Variants in JAKMIP1 observed in about 807,000 individuals in gnomAD.
JAKMIP1 encodes janus kinase and microtubule interacting protein 1, also known as janus kinase and microtubule-interacting protein 1.
A neutral mutation model predicts 113.0 loss-of-function variants in JAKMIP1; 33 were observed. The ratio of observed to expected loss-of-function variants is 0.29; its 90% CI spans 0.22 to 0.39. JAKMIP1 has a LOEUF of 0.39. JAKMIP1 is among the 10% of genes least tolerant of loss of function. The pLI is 1.00. For synonymous variants in JAKMIP1, 480 were observed against 459.9 expected (o/e 1.04, Z -0.56); for missense variants, 813 against 1,080.5 (o/e 0.75, Z 3.47).
intron 8 of JAKMIP1, 152 bp downstream of exon 8, chr4:6,078,787 C>T (rs1578171566): frequency 7.5e-6 from 5 of 667,030 alleles, no homozygotes; most frequent in Non-Finnish European, 1.3e-5. Context: ...CTTTGAGAGA[C>T]GGTGATGACA....
intron 1 of JAKMIP1, among the ~76,000 whole-genome samples, chr4:6,148,876 G>A (rs1332604231): frequency 6.6e-6 from 1 of 152,236 alleles, no homozygotes; most frequent in African/African-American, 2.4e-5. Flanking sequence ...CCACGCACAG[G>A]CATGTAGAAA....
intron 1 of JAKMIP1, among the ~76,000 whole-genome samples, chr4:6,124,889 A>C (rs1717191212): frequency 2.0e-5 from 3 of 152,230 alleles, no homozygotes; most frequent in African/African-American, 7.2e-5. Context: ...ACTTTAGGCC[A>C]CCATCGGGTG....
At chr4:6,164,993 G>A (rs1253429687) in intron 1 of JAKMIP1, among the ~76,000 whole-genome samples, 1 of 152,210 alleles carries the variant, frequency 6.6e-6, no homozygotes, top group Non-Finnish European at 1.5e-5. Flanking sequence ...AGCTGATAAG[G>A]CAGTGGCAAG....
chr4:6,189,432 A>G (rs1205241986), intron 1 of JAKMIP1, among the ~76,000 whole-genome samples: 1 of 152,168 alleles, frequency 6.6e-6, no homozygotes, highest in Non-Finnish European at 1.5e-5. Context: ...CAGAGAACAG[A>G]GTGAATTTTT....
chr4:6,084,988 A>AG, intron 4 of JAKMIP1, 23 bp from the exon 5 acceptor site: 2 of 1,549,836 alleles, frequency 1.3e-6, no homozygotes, highest in African/African-American at 2.8e-5. Flanking sequence ...AAAAAAAAAA[A>AG]AAAAAAGTCA....
chr4:6,095,369 GAAGA>G (rs981533482), intron 3 of JAKMIP1, among the ~76,000 whole-genome samples: 4 of 151,950 alleles, frequency 2.6e-5, no homozygotes, highest in African/African-American at 7.2e-5. Flanking sequence ...AGGAAAGAAA[GAAGA>G]AAGGAAGGAA....
At chr4:6,171,902 T>C (rs1724776857) in intron 1 of JAKMIP1, among the ~76,000 whole-genome samples, 2 of 152,240 alleles carry the variant, frequency 1.3e-5, no homozygotes, top group South Asian at 4.1e-4. Flanking sequence ...CCTGGTGATG[T>C]GTATATTCTT....
In JAKMIP1 at chr4:6,065,085, C is replaced by T. The variant is rs1183261460; in HGVS notation, c.1303-77G>A. ...CTACCAGTCCCTGGTCGTGGGCATGCCAGTGCAGGGGGGTGATGATTGACA... is the reference window on the plus strand; with the variant it reads ...CTACCAGTCCCTGGTCGTGGGCATGTCAGTGCAGGGGGGTGATGATTGACA... On this transcript the variant is annotated intron_variant, in intron 8 of 20. Transcript: ENST00000409021. The surrounding 1 kb of genome is among the most constrained non-coding windows in gnomAD (Gnocchi z 5.1). 1.0e-5 allele frequency: 16 copies of T among 1,566,602 alleles called. No individual in the cohort carries two copies. Among genetic ancestry groups the T allele is most frequent in the East Asian group, 2.2e-5 (1 of 44,586 alleles).
In JAKMIP1 at chr4:6,187,730, G is replaced by T. The variant is rs1405397150; in HGVS notation, c.-148+12523C>A. On this transcript the variant is annotated intron_variant, in intron 1 of 20. Transcript: ENST00000409021. This position sits in a 1 kb window ranked among gnomAD's most constrained non-coding sequence, Gnocchi z 4.2. Reference sequence around the variant, plus strand: ...TTGTTTATAAGCTATCCAGTCTAAGGTGTTTTGTTATAGCAGCCTGAAAGG... The same window carrying T: ...TTGTTTATAAGCTATCCAGTCTAAGTTGTTTTGTTATAGCAGCCTGAAAGG... Among the ~76,000 whole-genome samples the T allele has an allele frequency of 2.0e-5, 3 of 152,234 alleles. No homozygotes were observed. Among genetic ancestry groups the T allele is most frequent in the African/African-American group, 7.2e-5 (3 of 41,466 alleles).
chr4:6,100,249 C>T (rs1047386035), intron 3 of JAKMIP1, among the ~76,000 whole-genome samples: 1 of 152,162 alleles, frequency 6.6e-6, no homozygotes, highest in Non-Finnish European at 1.5e-5. Context: ...ATCTCCATTC[C>T]AACTAGTCCC....
chr4:6,026,672 C>T (rs1378956556), intron 20 of JAKMIP1, among the ~76,000 whole-genome samples: 1 of 151,762 alleles, frequency 6.6e-6, no homozygotes, highest in African/African-American at 2.4e-5. Context: ...GAGACGGGGG[C>T]GTGATGTGTG....
rs1310146944 is a variant in JAKMIP1 at position 6,155,924 on chromosome 4, A to T, written c.-147-42927T>A. Among the ~76,000 whole-genome samples, 1 of 152,144 alleles carries T rather than the reference A, an allele frequency of 6.6e-6. No homozygotes were observed. Among genetic ancestry groups the T allele is most frequent in the African/African-American group, 2.4e-5 (1 of 41,420 alleles). ...TGCACATACATTTTTCTGTGCGGTA[A>T]TGTGTGAGAACCGCTGCTGGGGATG... On this transcript the variant is annotated intron_variant, in intron 1 of 20. Coordinates refer to ENST00000409021, the MANE Select transcript of JAKMIP1 (RefSeq NM_001099433.2). This position sits in a 1 kb window ranked among gnomAD's most constrained non-coding sequence, Gnocchi z 6.1.
At position 6,081,980 on chromosome 4, in the gene JAKMIP1, G is replaced by A. The variant is rs1013388375; in HGVS notation, c.955-225C>T. Among the ~76,000 whole-genome samples, 1 of 152,192 alleles carries A rather than the reference G, an allele frequency of 6.6e-6. No individual in the cohort carries two copies. The highest frequency in any genetic ancestry group is 1.5e-5 in the Non-Finnish European group (1 of 68,032). ...GCAGCTCCTGTCTCCTAGGCACATGGTGAGAATTGAATGCATAGTGGTAGT... is the reference window on the plus strand; with the variant it reads ...GCAGCTCCTGTCTCCTAGGCACATGATGAGAATTGAATGCATAGTGGTAGT... On this transcript the variant is annotated intron_variant, in intron 5 of 20. Coordinates refer to ENST00000409021, the MANE Select transcript of JAKMIP1 (RefSeq NM_001099433.2). The surrounding 1 kb of genome is among the most constrained non-coding windows in gnomAD (Gnocchi z 4.6).
Position 6,116,716 on chromosome 4 carries a change from C to G in JAKMIP1, c.-147-3719G>C, listed in dbSNP as rs1237274094. Among the ~76,000 whole-genome samples, 2 of 152,274 alleles carry G rather than the reference C, an allele frequency of 1.3e-5. No individual in the cohort carries two copies. Among genetic ancestry groups the G allele is most frequent in the African/African-American group, 2.4e-5 (1 of 41,546 alleles). On this transcript the variant is annotated intron_variant, in intron 1 of 20. Coordinates refer to ENST00000409021, the MANE Select transcript of JAKMIP1 (RefSeq NM_001099433.2). The surrounding 1 kb of genome is among the most constrained non-coding windows in gnomAD (Gnocchi z 5.1). ...AACTGCCTACAGGAAATTAATATAC[C>G]GGGCATGCAGGAGGACCAGACAAGG...
Position 6,054,098 on chromosome 4 carries a change from G to A in JAKMIP1, c.1758C>T (p.Asp586=), listed in dbSNP as rs61747882. The A allele has an allele frequency of 4.3e-3, 7,001 of 1,613,960 alleles. 202 individuals carry two copies. In the African/African-American group the frequency reaches 0.072, roughly 17 times the overall value. ...EENQLKNEMQ[D]AKDQNELLEF... ...CTAACAGCTCGTTCTGATCCTTGGC[G>A]TCTTGCATTTCATTCTTCAGCTGGT... Residue 586 remains aspartate, a synonymous_variant, in exon 13 of 21, where the codon GAC becomes GAT. Coordinates refer to ENST00000409021, the MANE Select transcript of JAKMIP1 (RefSeq NM_001099433.2).
At chr4:6,120,331 G>A (rs11732318) in intron 1 of JAKMIP1, among the ~76,000 whole-genome samples, 38,747 of 152,030 alleles carry the variant, frequency 0.25, 5,755 homozygotes, top group East Asian at 0.59. Flanking sequence ...TACCCCAGGC[G>A]CAGTAATATG....
At position 6,184,322 on chromosome 4, in the gene JAKMIP1, C is replaced by A. The variant is rs55633494; in HGVS notation, c.-148+15931G>T. Reference sequence around the variant, plus strand: ...AAGGAAGAACCGCTCCCAGGCACCACAGCCAGGAAGGGGGCATGCCTCGAA... The same window carrying A: ...AAGGAAGAACCGCTCCCAGGCACCAAAGCCAGGAAGGGGGCATGCCTCGAA... On this transcript the variant is annotated intron_variant, in intron 1 of 20. Coordinates refer to ENST00000409021, the MANE Select transcript of JAKMIP1 (RefSeq NM_001099433.2). This position sits in a 1 kb window ranked among gnomAD's most constrained non-coding sequence, Gnocchi z 4.5. Among the ~76,000 whole-genome samples, 25,639 of 152,122 alleles carry A rather than the reference C, an allele frequency of 0.17. 2,438 individuals carry two copies. The highest frequency in any genetic ancestry group is 0.27 in the South Asian group (1,314 of 4,810).
intron 8 of JAKMIP1, among the ~76,000 whole-genome samples, chr4:6,071,543 G>T (rs1381197304): frequency 6.6e-6 from 1 of 152,206 alleles, no homozygotes; most frequent in Non-Finnish European, 1.5e-5. Flanking sequence ...TTCCCTGTGT[G>T]AACAAATTAC....
At chr4:6,053,590 T>A (rs1337377498) in intron 13 of JAKMIP1, among the ~76,000 whole-genome samples, 2 of 152,214 alleles carry the variant, frequency 1.3e-5, no homozygotes, top group Non-Finnish European at 2.9e-5. Flanking sequence ...CAGGTCAGAC[T>A]CTGCTATTTC....
Sources: allele counts gnomAD v4.1 joint callset (sites outside exome capture counted in the v4.1 genomes callset), GRCh38; gene constraint gnomAD v4.1.1; non-coding constraint Gnocchi (gnomAD v3.1); transcripts MANE v1.5; gene names NCBI Gene and HGNC (gene_info 2026-07-23, HGNC 2026-07-21).